RAP1GAP2: variants seen among roughly 807,000 people sequenced by gnomAD.
RAP1GAP2 encodes rap1 GTPase-activating protein 2.
In RAP1GAP2, 27 loss-of-function variants were observed where a neutral mutation model predicts 95.0. The observed-to-expected ratio is 0.28, with a 90% CI of 0.21 to 0.39. RAP1GAP2 has a LOEUF of 0.39. RAP1GAP2 is among the 10% of genes least tolerant of loss of function. The pLI is 1.00. For synonymous variants in RAP1GAP2, 373 were observed against 380.9 expected, an observed-to-expected ratio of 0.98 and a Z score of 0.24; for missense variants, 771 against 970.0, an observed-to-expected ratio of 0.79 and a Z score of 2.72.
At chr17:2,778,015 GGGGAGGCT>G (rs1339909784) in intron 1 of RAP1GAP2, among the ~76,000 whole-genome samples, 4 of 33,618 alleles carry the variant, frequency 1.2e-4, no homozygotes, top group Admixed American at 4.6e-4. Context: ...GCTGGGAGGC[GGGGAGGCT>G]GGGAGGCTGG....
chr17:2,943,381 G>A, intron 3 of RAP1GAP2, among the ~76,000 whole-genome samples: 1 of 152,148 alleles, frequency 6.6e-6, no homozygotes, highest in Non-Finnish European at 1.5e-5. Context: ...GATTTAAGAA[G>A]TGCACTATAG....
At chr17:2,832,134 G>T (rs1407371545) in intron 2 of RAP1GAP2, among the ~76,000 whole-genome samples, 1 of 144,668 alleles carries the variant, frequency 6.9e-6, no homozygotes, top group Non-Finnish European at 1.5e-5. Flanking sequence ...AACCTGGGAG[G>T]TGGAGTTTGC....
At chr17:2,883,647 G>C (rs1389459547) in intron 2 of RAP1GAP2, among the ~76,000 whole-genome samples, 1 of 151,764 alleles carries the variant, frequency 6.6e-6, no homozygotes, top group African/African-American at 2.4e-5. Flanking sequence ...AATGTCACTT[G>C]TCTCTTCTAT....
intron 3 of RAP1GAP2, among the ~76,000 whole-genome samples, chr17:2,917,636 C>T (rs2042614142): frequency 6.6e-6 from 1 of 152,118 alleles, no homozygotes; most frequent in Non-Finnish European, 1.5e-5. Context: ...AACTCCAGAT[C>T]TCAGGTGATC....
At chr17:2,895,097 G>A (rs941000792) in intron 2 of RAP1GAP2, among the ~76,000 whole-genome samples, 1 of 152,188 alleles carries the variant, frequency 6.6e-6, no homozygotes, top group African/African-American at 2.4e-5. Flanking sequence ...TCCTTCAAGC[G>A]GCTCAGGTGT....
chr17:2,849,935 T>A (rs1262254060), intron 2 of RAP1GAP2, among the ~76,000 whole-genome samples: 1 of 151,866 alleles, frequency 6.6e-6, no homozygotes, highest in Non-Finnish European at 1.5e-5. Flanking sequence ...TTTCGAACTG[T>A]GATTTCTTCA....
At chr17:2,853,530 G>A (rs2071977037) in intron 2 of RAP1GAP2, among the ~76,000 whole-genome samples, 2 of 151,208 alleles carry the variant, frequency 1.3e-5, no homozygotes, top group Admixed American at 1.3e-4. Context: ...AGGCAGGGCC[G>A]GGGCCGGGGA....
chr17:2,963,781 A>G lies in RAP1GAP2; in HGVS notation c.280-75A>G, dbSNP rs189557821. 528 of 1,305,994 alleles carry G rather than the reference A, an allele frequency of 4.0e-4. 4 individuals are homozygous for G. The African/African-American group carries it at 6.6e-3, about 16-fold the overall frequency. The allele number at this position is 1,305,994 out of a possible 1,614,324, so 80.9% of individuals were successfully genotyped here. The stretch of plus-strand genomic sequence containing the variant: ...CAGGCCCCACTCCTGGGAGCAGCGC[A>G]GAGGGGACACCGCCACCGGCCCCCT... On this transcript the variant is annotated intron_variant, in intron 6 of 24. Transcript: ENST00000254695. The surrounding 1 kb of genome is among the most constrained non-coding windows in gnomAD (Gnocchi z 4.8).
intron 2 of RAP1GAP2, among the ~76,000 whole-genome samples, chr17:2,887,875 T>C (rs2073554126): frequency 6.6e-6 from 1 of 151,912 alleles, no homozygotes; most frequent in Non-Finnish European, 1.5e-5. Context: ...GGTTTCACCA[T>C]GTTGGGCAGG....
At chr17:2,956,097 T>G (rs1271057276) in intron 3 of RAP1GAP2, among the ~76,000 whole-genome samples, 1 of 152,248 alleles carries the variant, frequency 6.6e-6, no homozygotes, top group East Asian at 1.9e-4. Flanking sequence ...ATAAGCTCTT[T>G]ACGTCTGCTA....
chr17:2,930,621 C>T (rs2043110698), intron 3 of RAP1GAP2, among the ~76,000 whole-genome samples: 3 of 152,198 alleles, frequency 2.0e-5, no homozygotes, highest in African/African-American at 7.2e-5. Flanking sequence ...CAAACACACG[C>T]ACAGAGGCAT....
intron 9 of RAP1GAP2, 54 bp downstream of exon 9, chr17:2,980,419 C>A (rs1482861057): frequency 1.3e-6 from 2 of 1,560,682 alleles, no homozygotes; most frequent in Non-Finnish European, 1.8e-6. Flanking sequence ...CCAGGGCTGG[C>A]CTCTGGAATG....
rs1343520428 is a variant in RAP1GAP2, at chr17:2,866,926, AG to A, written c.81-38357del. ...ATTTTATTTTTTATTTTAGAGATGG[AG>A]TCTCACTCTGTCACCCAGGCTGGAG... On this transcript the variant is annotated intron_variant, in intron 2 of 24. Transcript: ENST00000254695. The surrounding 1 kb of genome is among the most constrained non-coding windows in gnomAD (Gnocchi z 4.0). Among the ~76,000 whole-genome samples, 1 of 129,746 alleles carries A rather than the reference AG, an allele frequency of 7.7e-6. No individual in the cohort carries two copies. Among genetic ancestry groups the A allele is most frequent in the East Asian group, 2.3e-4 (1 of 4,324 alleles). The allele number at this position is 129,746 out of a possible 152,430, so 85.1% of individuals were successfully genotyped here.
At chr17:2,983,202 G>A (rs2045433833) in intron 10 of RAP1GAP2, among the ~76,000 whole-genome samples, 2 of 151,752 alleles carry the variant, frequency 1.3e-5, no homozygotes, top group African/African-American at 2.4e-5. Context: ...CTCGCATAAC[G>A]CGTGGTTGAA....
intron 3 of RAP1GAP2, among the ~76,000 whole-genome samples, chr17:2,910,892 T>A (rs973552983): frequency 6.6e-6 from 1 of 152,088 alleles, no homozygotes; most frequent in South Asian, 2.1e-4. Context: ...AGAGATGGGG[T>A]TTCCCCCTGT....
At chr17:2,873,061 C>T (rs979427999) in intron 2 of RAP1GAP2, among the ~76,000 whole-genome samples, 1 of 150,936 alleles carries the variant, frequency 6.6e-6, no homozygotes, top group African/African-American at 2.4e-5. Flanking sequence ...TGAGATTGCG[C>T]CACCGCACTC....
chr17:2,977,703 C>T (rs2045184907), intron 8 of RAP1GAP2, among the ~76,000 whole-genome samples: 2 of 143,004 alleles, frequency 1.4e-5, no homozygotes, highest in African/African-American at 5.3e-5. Context: ...CGAGATTGTA[C>T]CACCGCACTC....
chr17:2,796,091 A>C (rs930602293), upstream of RAP1GAP2, among the ~76,000 whole-genome samples: 1 of 152,090 alleles, frequency 6.6e-6, no homozygotes, highest in African/African-American at 2.4e-5. The surrounding 1 kb of genome is among the most constrained non-coding windows in gnomAD (Gnocchi z 4.7). Context: ...AGTGGGTGTG[A>C]AGGTCCCCAG....
intron 2 of RAP1GAP2, among the ~76,000 whole-genome samples, chr17:2,833,305 AT>A (rs2151551917): frequency 6.6e-6 from 1 of 150,914 alleles, no homozygotes; most frequent in Non-Finnish European, 1.5e-5. Flanking sequence ...ACCATGCCTG[AT>A]TTTTGTATTT....
Sources: allele counts gnomAD v4.1 joint callset (sites outside exome capture counted in the v4.1 genomes callset), GRCh38; gene constraint gnomAD v4.1.1; non-coding constraint Gnocchi (gnomAD v3.1); transcripts MANE v1.5; gene names NCBI Gene and HGNC (gene_info 2026-07-23, HGNC 2026-07-21).